ABCA13: variants seen among roughly 807,000 people sequenced by gnomAD.
ABCA13 encodes ATP-binding cassette sub-family A member 13.
Under a neutral mutation model 478.7 loss-of-function variants are expected in ABCA13, and 476 were observed. That is an observed-to-expected ratio of 0.99 (90% CI 0.92 to 1.07). ABCA13 has a LOEUF of 1.07. ABCA13 is among the 50% of genes least tolerant of loss of function. The pLI is 0.00. For missense variants in ABCA13, 6,060 were observed against 5,910.6 expected, an observed-to-expected ratio of 1.03 and a Z score of -0.83; for synonymous variants, 2,252 against 2,158.9, an observed-to-expected ratio of 1.04 and a Z score of -1.20.
chr7:48,610,550 T>C (rs1791928649), intron 58 of ABCA13, among the ~76,000 whole-genome samples: 1 of 152,210 alleles, frequency 6.6e-6, no homozygotes, highest in Non-Finnish European at 1.5e-5. Context: ...CAGTGGGGAC[T>C]CTGTGTGGGT....
intron 58 of ABCA13, among the ~76,000 whole-genome samples, chr7:48,607,199 T>C (rs570545626): frequency 6.6e-6 from 1 of 152,320 alleles, no homozygotes; most frequent in East Asian, 1.9e-4. Flanking sequence ...TCTCTTGGCC[T>C]GCTGGTTGCA....
intron 27 of ABCA13, among the ~76,000 whole-genome samples, chr7:48,332,936 A>G (rs1805635823): frequency 6.6e-6 from 1 of 152,184 alleles, no homozygotes; most frequent in Non-Finnish European, 1.5e-5. Context: ...AGTTTATCAT[A>G]TTGAGTGTTT....
At chr7:48,465,685 C>G (rs1391522619) in intron 43 of ABCA13, among the ~76,000 whole-genome samples, 1 of 151,974 alleles carries the variant, frequency 6.6e-6, no homozygotes, top group Non-Finnish European at 1.5e-5. Context: ...TTTATAATGT[C>G]TTACTTTGGG....
chr7:48,293,643 T>C (rs929433328), intron 20 of ABCA13, among the ~76,000 whole-genome samples: 2 of 152,224 alleles, frequency 1.3e-5, no homozygotes, highest in African/African-American at 4.8e-5. Flanking sequence ...GTTATATGTT[T>C]GTGGTGTTTT....
At chr7:48,224,843 T>C (rs1326259859) in intron 5 of ABCA13, among the ~76,000 whole-genome samples, 1 of 152,224 alleles carries the variant, frequency 6.6e-6, no homozygotes, top group Non-Finnish European at 1.5e-5. Context: ...TGGCCAGTTT[T>C]AATCGCTGCA....
Position 48,240,931 on chromosome 7 carries a change from TG to T in ABCA13, c.1129del (p.Glu377ArgfsTer27), listed in dbSNP as rs777829947. On this transcript the variant is annotated frameshift_variant, in exon 10 of 62. Coordinates refer to ENST00000435803, the MANE Select transcript of ABCA13 (RefSeq NM_152701.5). LOFTEE classifies it high-confidence loss of function. ...ACACTCACAGGCATGGGCCATAGTC[TG>T]GAGGCTCTCAGGAATCAGTTTGAAG... ...QKTLTGMGHS[L>X]EALRNQFEEE... is the part of the protein sequence containing the mutation. The T allele has an allele frequency of 6.2e-7, 1 of 1,613,424 alleles. No homozygotes were observed. Among genetic ancestry groups the T allele is most frequent in the Non-Finnish European group, 8.5e-7 (1 of 1,179,500 alleles).
At chr7:48,620,500 C>T (rs1019203021) in intron 59 of ABCA13, among the ~76,000 whole-genome samples, 2 of 152,076 alleles carry the variant, frequency 1.3e-5, no homozygotes, top group Non-Finnish European at 2.9e-5. Flanking sequence ...TGTTTAGCAC[C>T]ATCCCTGGCC....
chr7:48,566,237 A>T (rs558511028), intron 55 of ABCA13, among the ~76,000 whole-genome samples: 2 of 152,152 alleles, frequency 1.3e-5, no homozygotes, highest in East Asian at 3.9e-4. Flanking sequence ...TTGATCTGTT[A>T]TGTCATTAAA....
chr7:48,306,324 T>C (rs1327466903), intron 23 of ABCA13, among the ~76,000 whole-genome samples: 1 of 152,204 alleles, frequency 6.6e-6, no homozygotes, highest in African/African-American at 2.4e-5. Context: ...TGGGGACCAC[T>C]GTGTGACATG....
chr7:48,614,319 G>A (rs927917723), intron 58 of ABCA13, among the ~76,000 whole-genome samples: 1 of 151,016 alleles, frequency 6.6e-6, no homozygotes, highest in African/African-American at 2.4e-5. Flanking sequence ...TTTTATAGCT[G>A]GTCTTCCTGG....
intron 16 of ABCA13, among the ~76,000 whole-genome samples, chr7:48,269,737 A>G (rs1795346601): frequency 6.6e-6 from 1 of 152,228 alleles, no homozygotes; most frequent in African/African-American, 2.4e-5. Context: ...CCCCAGTCAT[A>G]TGAAATCTTG....
Position 48,234,139 on chromosome 7 carries a change from T to C in ABCA13, c.885T>C (p.Ala295=). ...LHTEQILNSS[A]ELKEIPTDTS... Reference sequence around the variant, plus strand: ...CGGAACAGATCCTGAACTCTTCAGCTGAACTGAAGGAGGTACACATGCTTG... The same window carrying C: ...CGGAACAGATCCTGAACTCTTCAGCCGAACTGAAGGAGGTACACATGCTTG... The change falls in exon 8 of 62, where the codon GCT becomes GCC. Residue 295 remains alanine (A), a synonymous_variant. Coordinates refer to ENST00000435803, the MANE Select transcript of ABCA13 (RefSeq NM_152701.5). 6.2e-7 allele frequency: 1 copy of C among 1,613,948 alleles called. No individual in the cohort carries two copies. The highest frequency in any genetic ancestry group is 8.5e-7 in the Non-Finnish European group (1 of 1,179,854).
intron 42 of ABCA13, among the ~76,000 whole-genome samples, chr7:48,444,361 A>G (rs1354166121): frequency 1.3e-5 from 2 of 152,106 alleles, no homozygotes; most frequent in East Asian, 3.9e-4. Flanking sequence ...CAACTCAGAT[A>G]TGTGCCATTT....
intron 35 of ABCA13, among the ~76,000 whole-genome samples, chr7:48,382,924 A>C (rs1814621676): frequency 6.6e-6 from 1 of 152,080 alleles, no homozygotes; most frequent in African/African-American, 2.4e-5. Context: ...AATCCGGAGA[A>C]CAGAAGGGCA....
At chr7:48,177,067 A>G (rs143612707) in intron 1 of ABCA13, among the ~76,000 whole-genome samples, 131 of 152,314 alleles carry the variant, frequency 8.6e-4, no homozygotes, top group African/African-American at 2.7e-3. Context: ...GCAAACACTA[A>G]TCCTGCTAGC....
chr7:48,372,965 G>T (rs558046436), intron 33 of ABCA13, among the ~76,000 whole-genome samples: 77 of 152,212 alleles, frequency 5.1e-4, no homozygotes, highest in African/African-American at 1.8e-3. Context: ...AACACTTTCA[G>T]GTCTGTAACA....
At chr7:48,242,312 T>G (rs1790962833) in intron 10 of ABCA13, among the ~76,000 whole-genome samples, 1 of 151,990 alleles carries the variant, frequency 6.6e-6, no homozygotes, top group Admixed American at 6.6e-5. Context: ...TATACCACAC[T>G]CTAGGTACAA....
chr7:48,173,036 A>G (rs1794366300), intron 1 of ABCA13, among the ~76,000 whole-genome samples: 1 of 152,174 alleles, frequency 6.6e-6, no homozygotes, highest in African/African-American at 2.4e-5. Flanking sequence ...CTTTATGCAT[A>G]TCTACCTCAA....
At chr7:48,212,413 G>A (rs2128946362) in intron 3 of ABCA13, among the ~76,000 whole-genome samples, 1 of 152,290 alleles carries the variant, frequency 6.6e-6, no homozygotes, top group African/African-American at 2.4e-5. Context: ...ATAAATCTGT[G>A]TGTGGACAAA....
Sources: gnomAD v4.1 joint callset for allele counts (sites outside exome capture counted in the v4.1 genomes callset) on GRCh38, gnomAD v4.1.1 for gene constraint, MANE v1.5 for transcripts, NCBI Gene and HGNC (gene_info 2026-07-23, HGNC 2026-07-21) for gene names.